TBC1D10B: variants seen among roughly 807,000 people sequenced by gnomAD.
TBC1D10B encodes the protein TBC1 domain family member 10B.
TBC1D10B carries 25 observed loss-of-function variants against 78.4 expected under a neutral mutation model. The ratio of observed to expected loss-of-function variants is 0.32; its 90% CI spans 0.23 to 0.45. The LOEUF (loss-of-function observed/expected upper bound fraction) is 0.45, where lower values mean the gene tolerates loss of function less well. Ranked by LOEUF, TBC1D10B falls within the 20% of genes least tolerant of loss-of-function variation. The pLI, the probability that TBC1D10B is intolerant of heterozygous loss-of-function variation, is 1.00. For missense variants in TBC1D10B, 996 were observed against 1,104.8 expected, an observed-to-expected ratio of 0.90 and a Z score of 1.40; for synonymous variants, 517 against 478.0, an observed-to-expected ratio of 1.08 and a Z score of -1.06.
In TBC1D10B at chr16:30,369,217, C is replaced by G. The variant is rs1567415474; in HGVS notation, c.956+11G>C. The G allele has an allele frequency of 1.3e-6, 2 of 1,567,782 alleles. No homozygotes were observed. The highest frequency in any genetic ancestry group is 1.7e-6 in the Non-Finnish European group (2 of 1,156,714). On this transcript the variant is annotated intron_variant, in intron 1 of 8. Coordinates refer to ENST00000409939, the MANE Select transcript of TBC1D10B (RefSeq NM_015527.4). The surrounding 1 kb of genome is among the most constrained non-coding windows in gnomAD (Gnocchi z 4.3). ...CCGAGGCGGTCCCGCTGGGTGCCCA[C>G]TGGTACTCACAGGCTGCCCGAGTAC...
Position 30,370,036 on chromosome 16 carries a change from C to T in TBC1D10B, c.148G>A (p.Val50Ile), listed in dbSNP as rs2049674879. The T allele has an allele frequency of 5.7e-6, 7 of 1,230,416 alleles. No individual in the cohort carries two copies. The South Asian group carries it at 1.6e-4, about 28-fold the overall frequency. The allele number at this position is 1,230,416 out of a possible 1,614,324, so 76.2% of individuals were successfully genotyped here. ...PPVTTATSAPVTLVAPGEARP... is the reference protein window; with the variant it reads ...PPVTTATSAPITLVAPGEARP... ...GCCTCCCCGGGGGCCACCAGGGTGA[C>T]GGGGGCCGAAGTGGCCGTAGTCACT... is the stretch of plus-strand genomic sequence containing the variant. Residue 50 changes from valine to isoleucine, a missense_variant, in exon 1 of 9, where the codon GTC (valine) becomes ATC (isoleucine). Val to Ile is a conservative substitution (Grantham distance 29). This residue lies in a region of TBC1D10B where 448 missense variants were observed against 442.1 expected (regional missense o/e 1.01). Transcript: ENST00000409939.
chr16:30,369,024 AC>A lies in TBC1D10B; in HGVS notation c.956+203del, dbSNP rs1363747225. ...GCAAGGCTTAAACCCAGACCTCTTG[AC>A]CCCTGGTCTGAAACTCCACTAACAT... On this transcript the variant is annotated intron_variant, in intron 1 of 8. Transcript: ENST00000409939. The surrounding 1 kb of genome is among the most constrained non-coding windows in gnomAD (Gnocchi z 4.3). Among the ~76,000 whole-genome samples, 2 of 152,080 alleles carry A rather than the reference AC, an allele frequency of 1.3e-5. No homozygotes were observed. The highest frequency in any genetic ancestry group is 3.9e-4 in the East Asian group (2 of 5,194).
Position 30,368,230 on chromosome 16 carries a change from T to C in TBC1D10B, c.956+998A>G, listed in dbSNP as rs1226237997. On this transcript the variant is annotated intron_variant, in intron 1 of 8. Coordinates refer to ENST00000409939, the MANE Select transcript of TBC1D10B (RefSeq NM_015527.4). Reference sequence around the variant, plus strand: ...GGGCTTCCCCCGATCCCTGCACACATAGCCAAGACTAAATCAATCCTACTT... The same window carrying C: ...GGGCTTCCCCCGATCCCTGCACACACAGCCAAGACTAAATCAATCCTACTT... 2.6e-5 allele frequency among the ~76,000 whole-genome samples: 4 copies of C among 152,094 alleles called. No individual in the cohort carries two copies. The South Asian group carries it at 6.2e-4, about 24-fold the overall frequency.
At chr16:30,358,908 T>C (rs1349387046) in intron 7 of TBC1D10B, 91 bp from the exon 8 acceptor site, 6 of 1,439,264 alleles carry the variant, frequency 4.2e-6, no homozygotes, top group East Asian at 5.0e-5. Flanking sequence ...CCCATCCCCA[T>C]CTACTGCCAA....
In TBC1D10B at chr16:30,369,962, C is replaced by A. The variant is rs995495822; in HGVS notation, c.222G>T (p.Pro74=). The part of the protein sequence containing the change: ...PGSAETSAPA[P]APAPAPAPAV... ...CCGGGGCTGGGGCCGGGGCTGGGGC[C>A]GGGGCCGGAGCAGAGGTCTCGGCCG... Residue 74 remains proline, a synonymous_variant, in exon 1 of 9, where the codon CCG becomes CCT. Transcript: ENST00000409939. This position sits in a 1 kb window ranked among gnomAD's most constrained non-coding sequence, Gnocchi z 4.3. 3 of 1,279,096 alleles carry A rather than the reference C, an allele frequency of 2.3e-6. No individual in the cohort carries two copies. Among genetic ancestry groups the A allele is most frequent in the Non-Finnish European group, 2.0e-6 (2 of 1,014,702 alleles). The allele number at this position is 1,279,096 out of a possible 1,614,324, so 79.2% of individuals were successfully genotyped here. A position where few individuals can be genotyped will look rare whatever the true frequency, so the allele number is the denominator to read the frequency against.
At chr16:30,364,095 C>T (rs529740363) in intron 4 of TBC1D10B, among the ~76,000 whole-genome samples, 27 of 135,890 alleles carry the variant, frequency 2.0e-4, no homozygotes, top group Middle Eastern at 4.0e-3. Flanking sequence ...CCTGCCTCGG[C>T]AACAAGAGCA....
At position 30,365,579 on chromosome 16, in the gene TBC1D10B, G is replaced by A. The variant is rs749347889; in HGVS notation, c.972C>T (p.Pro324=). The A allele has an allele frequency of 1.6e-5, 26 of 1,613,854 alleles. No homozygotes were observed. The highest frequency in any genetic ancestry group is 9.3e-5 in the African/African-American group (7 of 74,940). Residue 324 remains proline, a synonymous_variant, in exon 2 of 9, where the codon CCC becomes CCT. Transcript: ENST00000409939. The surrounding 1 kb of genome is among the most constrained non-coding windows in gnomAD (Gnocchi z 5.0). ...QYSGSLESSI[P]VDVARQRELK... is the part of the protein sequence containing the mutation. ...GCTCCCGCTGCCGAGCCACGTCCAC[G>A]GGAATGGAGCTCTCTCTGCAGGGTC...
At position 30,370,394 on chromosome 16, in the gene TBC1D10B, C is replaced by T. The variant is rs879854300; in HGVS notation, c.-211G>A. 1 of 169,592 alleles carries T rather than the reference C, an allele frequency of 5.9e-6. No individual in the cohort carries two copies. The highest frequency in any genetic ancestry group is 6.3e-5 in the Admixed American group (1 of 15,884). The allele number at this position is 169,592 out of a possible 1,614,324, so 10.5% of individuals were successfully genotyped here. A position where few individuals can be genotyped will look rare whatever the true frequency, so the allele number is the denominator to read the frequency against. On this transcript the variant is annotated 5_prime_UTR_variant, in exon 1 of 9. Coordinates refer to ENST00000409939, the MANE Select transcript of TBC1D10B (RefSeq NM_015527.4). Reference sequence around the variant, plus strand: ...GGTCTCTCTCGAGCCCTCTCACCCCCTCGCGCGCTCTCGCCACCGCCCCCT... The same window carrying T: ...GGTCTCTCTCGAGCCCTCTCACCCCTTCGCGCGCTCTCGCCACCGCCCCCT...
At chr16:30,367,980 A>T (rs1230310850) in intron 1 of TBC1D10B, 4 of 152,228 alleles carry the variant, frequency 2.6e-5, no homozygotes, top group African/African-American at 9.7e-5. Context: ...ACAGCCTGCT[A>T]TTGAGGAGAG....
chr16:30,364,703 C>G (rs950392827), intron 4 of TBC1D10B, among the ~76,000 whole-genome samples, 197 bp downstream of exon 4: 5 of 152,154 alleles, frequency 3.3e-5, no homozygotes, highest in Non-Finnish European at 1.5e-5. Flanking sequence ...GACGTGCCCC[C>G]ACACACAACC....
chr16:30,361,992 G>A (rs1567412827), intron 4 of TBC1D10B, among the ~76,000 whole-genome samples: 2 of 152,034 alleles, frequency 1.3e-5, no homozygotes, highest in Non-Finnish European at 2.9e-5. Flanking sequence ...AACTACAGGC[G>A]CCCGCCACCA....
chr16:30,370,283 A>C lies in TBC1D10B; in HGVS notation c.-100T>G. On this transcript the variant is annotated 5_prime_UTR_variant, in exon 1 of 9. Transcript: ENST00000409939. ...GCCAGCCGAGAAAGGGGAGAGGGCG[A>C]AGGGCGCGGCTCGGCGCGCGCCGGG... 1.7e-6 allele frequency: 1 copy of C among 601,898 alleles called. No homozygotes were observed. The highest frequency in any genetic ancestry group is 7.3e-5 in the South Asian group (1 of 13,716). 37.3% of individuals were successfully genotyped at this position (601,898 alleles called of 1,614,324 possible).
rs1477412307 is a variant in TBC1D10B at position 30,358,199 on chromosome 16, C to T, written c.2172G>A (p.Gln724=). ...PLGSSKETRK[Q]EKERQKQEKE... is the part of the protein sequence containing the mutation. ...TCTCCTGTTTCTGCCGCTCCTTCTC[C>T]TGCTTCCGGGTCTCCTTGCTGGAAC... The change falls in exon 9 of 9, where the codon CAG becomes CAA. Residue 724 remains glutamine, a synonymous_variant. Transcript: ENST00000409939. The T allele has an allele frequency of 1.9e-6, 3 of 1,552,690 alleles. No individual in the cohort carries two copies. Among genetic ancestry groups the T allele is most frequent in the African/African-American group, 2.7e-5 (2 of 73,084 alleles).
intron 5 of TBC1D10B, 54 bp from the exon 6 acceptor site, chr16:30,359,657 G>C: frequency 6.4e-7 from 1 of 1,553,130 alleles, no homozygotes; most frequent in Non-Finnish European, 8.7e-7. Context: ...CAGGGAGCAG[G>C]GAGCTCCCCC....
intron 7 of TBC1D10B, 68 bp from the exon 8 acceptor site, chr16:30,358,885 T>C (rs995985959): frequency 7.3e-6 from 11 of 1,503,706 alleles, no homozygotes; most frequent in Non-Finnish European, 9.8e-6. Flanking sequence ...CTGATCAGGA[T>C]AGACTCACAG....
rs1167538815 is a variant in TBC1D10B at position 30,365,081 on chromosome 16, C to T, written c.1164+24G>A. 1 of 1,613,308 alleles carries T rather than the reference C, an allele frequency of 6.2e-7. No individual in the cohort carries two copies. The highest frequency in any genetic ancestry group is 8.5e-7 in the Non-Finnish European group (1 of 1,179,290). On this transcript the variant is annotated intron_variant, in intron 3 of 8. Transcript: ENST00000409939. The surrounding 1 kb of genome is among the most constrained non-coding windows in gnomAD (Gnocchi z 5.0). ...CCTTGCACAGACAGGGCCACATGTC[C>T]CCACACCTTGGAGCTGCACGCACCT...
In TBC1D10B at chr16:30,358,498, G is replaced by A. The variant is rs1247150394; in HGVS notation, c.1873C>T (p.Arg625Trp). 2 of 1,605,612 alleles carry A rather than the reference G, an allele frequency of 1.2e-6. No individual in the cohort carries two copies. The highest frequency in any genetic ancestry group is 1.1e-5 in the South Asian group (1 of 89,758). ...GAGGGCCGATACTGCAGCTCCCCCC[G>A]CGTTTCCCGCCACTTCTTGAGCTGG... ...AAQLKKWRET[R>W]GELQYRPSRR... Residue 625 changes from arginine to tryptophan, a missense_variant, in exon 9 of 9, where the codon CGG (arginine) becomes TGG (tryptophan). Physicochemically the swap from Arg to Trp is moderately radical, Grantham distance 101. This residue lies in a region of TBC1D10B where 168 missense variants were observed against 238.7 expected (regional missense o/e 0.70). Transcript: ENST00000409939.
At chr16:30,364,873 C>T in intron 4 of TBC1D10B, 27 bp downstream of exon 4, 1 of 1,575,176 alleles carries the variant, frequency 6.3e-7, no homozygotes, top group Non-Finnish European at 8.6e-7. Flanking sequence ...TGTTTGCTGA[C>T]TGACCCCCAT....
chr16:30,358,795 C>T lies in TBC1D10B; in HGVS notation c.1665G>A (p.Val555=), dbSNP rs1322619562. The change falls in exon 8 of 9, where the codon GTG becomes GTA. Residue 555 remains valine (V), a synonymous_variant. Transcript: ENST00000409939. ...FCEGVKIIFR[V]ALVLLRHTLG... is the part of the protein sequence containing the mutation. The stretch of plus-strand genomic sequence containing the variant: ...GCGTGTGGCGCAGCAGGACCAGGGC[C>T]ACCCGGAAGATGATCTTAACGCCTG... The T allele has an allele frequency of 1.2e-6, 2 of 1,608,856 alleles. No individual in the cohort carries two copies. Among genetic ancestry groups the T allele is most frequent in the Non-Finnish European group, 1.7e-6 (2 of 1,177,960 alleles).
Sources: allele counts gnomAD v4.1 joint callset (sites outside exome capture counted in the v4.1 genomes callset), GRCh38; gene constraint gnomAD v4.1.1; regional missense constraint gnomAD v4.1.1; non-coding constraint Gnocchi (gnomAD v3.1); transcripts MANE v1.5; gene names NCBI Gene and HGNC (gene_info 2026-07-23, HGNC 2026-07-21).